Variants in ANKHD1 observed in about 807,000 individuals in gnomAD.
The protein encoded by ANKHD1 is ankyrin repeat and KH domain containing 1, also known as ankyrin repeat and KH domain-containing protein 1.
ANKHD1 carries 31 observed loss-of-function variants against 230.5 expected under a neutral mutation model. The observed-to-expected ratio is 0.13, with a 90% CI of 0.10 to 0.18. The LOEUF (loss-of-function observed/expected upper bound fraction) is 0.18. Among genes scored for constraint, ANKHD1 ranks in the 10% least tolerant of loss-of-function variants. The pLI, the probability that ANKHD1 is intolerant of heterozygous loss-of-function variation, is 1.00. For missense variants in ANKHD1, 2,256 were observed against 3,071.3 expected, an observed-to-expected ratio of 0.73 and a Z score of 6.27; for synonymous variants, 1,074 against 1,117.6, an observed-to-expected ratio of 0.96 and a Z score of 0.78.
intron 22 of ANKHD1, among the ~76,000 whole-genome samples, chr5:140,510,754 T>A (rs1244140302): frequency 2.0e-5 from 3 of 152,196 alleles, no homozygotes; most frequent in Admixed American, 6.5e-5. Flanking sequence ...GATGGATTTT[T>A]TTGTGCCTAA....
chr5:140,449,411 TC>T, intron 7 of ANKHD1, 106 bp downstream of exon 7: 1 of 1,317,574 alleles, frequency 7.6e-7, no homozygotes, highest in Non-Finnish European at 1.0e-6. Context: ...ACGCCTGTAA[TC>T]CCAGCACTTT....
At chr5:140,420,826 G>C (rs770772174) in intron 1 of ANKHD1, among the ~76,000 whole-genome samples, 2 of 152,076 alleles carry the variant, frequency 1.3e-5, no homozygotes, top group Non-Finnish European at 2.9e-5. Flanking sequence ...TTGGTTATTG[G>C]TTATATTCTT....
chr5:140,444,447 T>C (rs1289052801), intron 5 of ANKHD1, among the ~76,000 whole-genome samples: 1 of 152,200 alleles, frequency 6.6e-6, no homozygotes, highest in East Asian at 1.9e-4. Context: ...CCTAGAAGTC[T>C]TCCTTCTGTA....
At chr5:140,495,249 C>CTT (rs70988766) in intron 14 of ANKHD1, among the ~76,000 whole-genome samples, 21 of 123,722 alleles carry the variant, frequency 1.7e-4, no homozygotes, top group Admixed American at 1.2e-3. Flanking sequence ...AATAGTCCTA[C>CTT]TTTTTTTTTT....
At position 140,513,386 on chromosome 5, in the gene ANKHD1, A is replaced by G. The variant is rs1359933631; in HGVS notation, c.4224A>G (p.Gln1408=). 7.4e-6 allele frequency: 12 copies of G among 1,611,112 alleles called. No individual in the cohort carries two copies. Among genetic ancestry groups the G allele is most frequent in the South Asian group, 3.3e-5 (3 of 90,200 alleles). ...AGGAACTGTTGAAAAAATGTCATCAATGTGTCGAAACCATTGTGAAGGCTA... is the reference window on the plus strand; with the variant it reads ...AGGAACTGTTGAAAAAATGTCATCAGTGTGTCGAAACCATTGTGAAGGCTA... ...TDKELLKKCH[Q]CVETIVKAKD... Residue 1408 remains glutamine, a synonymous_variant, in exon 24 of 34, where the codon CAA becomes CAG. Transcript: ENST00000360839.
chr5:140,414,887 A>G (rs1260894172), intron 1 of ANKHD1, among the ~76,000 whole-genome samples: 2 of 151,570 alleles, frequency 1.3e-5, no homozygotes. Context: ...TAGTTGTAGG[A>G]ATTCTTTATA....
chr5:140,439,948 A>AT (rs1328606978), intron 3 of ANKHD1, among the ~76,000 whole-genome samples, 171 bp from the exon 4 acceptor site: 2 of 152,238 alleles, frequency 1.3e-5, no homozygotes, highest in African/African-American at 4.8e-5. Flanking sequence ...GTTGATAAAC[A>AT]TGAATAATTG....
Position 140,485,989 on chromosome 5 carries a change from T to C in ANKHD1, c.2142+257T>C. On this transcript the variant is annotated intron_variant, in intron 13 of 33. Transcript: ENST00000360839. The surrounding 1 kb of genome is among the most constrained non-coding windows in gnomAD (Gnocchi z 4.8). ...TAAACGTAAGTATTCTAAGTTGTTATCTTATTACAACTAGGTTTTTCAGGG... is the reference window on the plus strand; with the variant it reads ...TAAACGTAAGTATTCTAAGTTGTTACCTTATTACAACTAGGTTTTTCAGGG... 2.4e-6 allele frequency: 1 copy of C among 414,852 alleles called. No homozygotes were observed. The highest frequency in any genetic ancestry group is 4.1e-5 in the South Asian group (1 of 24,312). 25.7% of individuals were successfully genotyped at this position (414,852 alleles called of 1,614,324 possible). A position where few individuals can be genotyped will look rare whatever the true frequency, so the allele number is the denominator to read the frequency against.
chr5:140,419,822 CTTTCTTTCTTTCTTTT>C (rs1162907023), intron 1 of ANKHD1, among the ~76,000 whole-genome samples: 2 of 98,808 alleles, frequency 2.0e-5, no homozygotes, highest in African/African-American at 7.1e-5. Context: ...TTCTTTCTTT[CTTTCTTTCTTTCTTTT>C]TCTTTCTCTT....
intron 29 of ANKHD1, chr5:140,531,267 T>A (rs1561837933): frequency 2.4e-6 from 1 of 416,622 alleles, no homozygotes; most frequent in East Asian, 8.9e-5. Context: ...ATAGTTTACT[T>A]TCCTAGTTTT....
chr5:140,537,985 A>G, intron 31 of ANKHD1, 101 bp from the exon 32 acceptor site: 1 of 1,473,014 alleles, frequency 6.8e-7, no homozygotes, highest in Non-Finnish European at 9.0e-7. Flanking sequence ...TTCAGAGGAA[A>G]GATTTCAGTA....
At chr5:140,470,777 C>T (rs929901733) in intron 10 of ANKHD1, among the ~76,000 whole-genome samples, 7 of 151,932 alleles carry the variant, frequency 4.6e-5, no homozygotes, top group Middle Eastern at 3.2e-3. Flanking sequence ...CACACACTGC[C>T]ACACCAGCTA....
chr5:140,516,080 C>T (rs1048856102), intron 24 of ANKHD1, among the ~76,000 whole-genome samples: 11 of 151,980 alleles, frequency 7.2e-5, no homozygotes, highest in Non-Finnish European at 4.4e-5. Context: ...ACTAGAATAA[C>T]CAATACAGAG....
Position 140,539,518 on chromosome 5 carries a change from G to T in ANKHD1, c.*100G>T. On this transcript the variant is annotated 3_prime_UTR_variant, in exon 34 of 34. Coordinates refer to ENST00000360839, the MANE Select transcript of ANKHD1 (RefSeq NM_017747.3). The stretch of plus-strand genomic sequence containing the variant: ...ATGTGCCTAAGAAATTTTCTCTGAG[G>T]CTTTAGCAATGGAAATTTGATTGCC... 3 of 1,345,220 alleles carry T rather than the reference G, an allele frequency of 2.2e-6. No individual in the cohort carries two copies. Among genetic ancestry groups the T allele is most frequent in the South Asian group, 2.7e-5 (2 of 72,816 alleles). The allele number at this position is 1,345,220 out of a possible 1,614,324, so 83.3% of individuals were successfully genotyped here. A position where few individuals can be genotyped will look rare whatever the true frequency, so the allele number is the denominator to read the frequency against.
At chr5:140,423,139 C>A (rs751655122) in intron 1 of ANKHD1, among the ~76,000 whole-genome samples, 1 of 152,090 alleles carries the variant, frequency 6.6e-6, no homozygotes, top group East Asian at 1.9e-4. Flanking sequence ...CTTAAGTGAT[C>A]GTCCTGCCTT....
intron 24 of ANKHD1, 47 bp downstream of exon 24, chr5:140,513,526 G>C (rs1401706880): frequency 6.3e-7 from 1 of 1,588,314 alleles, no homozygotes; most frequent in Non-Finnish European, 8.6e-7. Context: ...TTGAGGGTGG[G>C]GGCCGGGCAC....
At chr5:140,515,700 C>T (rs1044659365) in intron 24 of ANKHD1, among the ~76,000 whole-genome samples, 2 of 152,178 alleles carry the variant, frequency 1.3e-5, no homozygotes, top group Non-Finnish European at 2.9e-5. Context: ...ACACCTCACA[C>T]GGCCGGGTAC....
chr5:140,509,595 A>G (rs769243613), intron 20 of ANKHD1, 42 bp from the exon 21 acceptor site: 94 of 1,464,502 alleles, frequency 6.4e-5, no homozygotes, highest in African/African-American at 3.9e-4. Flanking sequence ...ATAGTTAAAA[A>G]AAGAAATGTA....
intron 10 of ANKHD1, among the ~76,000 whole-genome samples, chr5:140,468,463 C>T (rs910512990): frequency 1.6e-4 from 24 of 151,954 alleles, no homozygotes; most frequent in African/African-American, 5.6e-4. Flanking sequence ...CATTAGTACT[C>T]TGTAGTTCTT....
Sources: gnomAD v4.1 joint callset for allele counts (sites outside exome capture counted in the v4.1 genomes callset) on GRCh38, gnomAD v4.1.1 for gene constraint, Gnocchi (gnomAD v3.1) non-coding constraint, MANE v1.5 for transcripts, NCBI Gene and HGNC (gene_info 2026-07-23, HGNC 2026-07-21) for gene names.